Variants in PCDH15 observed in about 807,000 individuals in gnomAD.
PCDH15 encodes the protein protocadherin related 15.
In PCDH15, 129 loss-of-function variants were observed where a neutral mutation model predicts 178.5. That is an observed-to-expected ratio of 0.72 (90% CI 0.63 to 0.84). PCDH15 has a LOEUF of 0.84. Among genes scored for constraint, PCDH15 ranks in the 40% least tolerant of loss-of-function variants. PCDH15 has a pLI of 0.00. For missense variants in PCDH15, 2,230 were observed against 2,099.9 expected (o/e 1.06, Z -1.21); for synonymous variants, 800 against 732.0 (o/e 1.09, Z -1.50).
At chr10:54,903,103 T>C (rs1954664106) in intron 2 of PCDH15, among the ~76,000 whole-genome samples, 1 of 152,100 alleles carries the variant, frequency 6.6e-6, no homozygotes, top group Non-Finnish European at 1.5e-5. Flanking sequence ...TTTACTCAAA[T>C]GCAGAAAAGA....
chr10:55,234,792 A>C (rs1405478335), intron 1 of PCDH15, among the ~76,000 whole-genome samples: 2 of 152,116 alleles, frequency 1.3e-5, no homozygotes, highest in Non-Finnish European at 2.9e-5. Flanking sequence ...TGAAGTCCAC[A>C]TAATTTTACC....
chr10:54,853,322 T>C (rs1164470938), intron 3 of PCDH15, among the ~76,000 whole-genome samples: 1,104 of 108,910 alleles, frequency 0.01, 17 homozygotes, highest in African/African-American at 0.037. Flanking sequence ...TATATATACA[T>C]ACACACACAT....
chr10:53,867,741 G>A (rs948543307), intron 26 of PCDH15, among the ~76,000 whole-genome samples: 2 of 152,008 alleles, frequency 1.3e-5, no homozygotes, highest in Non-Finnish European at 2.9e-5. Context: ...AAATATAAAA[G>A]AACGTAGTAA....
chr10:54,643,094 T>G (rs1044496965), intron 2 of PCDH15, among the ~76,000 whole-genome samples: 1 of 152,106 alleles, frequency 6.6e-6, no homozygotes, highest in Admixed American at 6.6e-5. Flanking sequence ...AGCTAATTTT[T>G]TTGTACTTTT....
chr10:55,517,219 T>C (rs2132159012), intron 2 of PCDH15, among the ~76,000 whole-genome samples: 1 of 152,194 alleles, frequency 6.6e-6, no homozygotes, highest in African/African-American at 2.4e-5. Context: ...CAACTAACAG[T>C]TTACTTGTGA....
chr10:55,067,225 C>A (rs752691715), intron 2 of PCDH15, among the ~76,000 whole-genome samples: 3 of 151,924 alleles, frequency 2.0e-5, no homozygotes, highest in Non-Finnish European at 4.4e-5. Context: ...ATTAACCAAC[C>A]TCCCTTCATC....
At chr10:54,630,960 G>A (rs1375303162) in intron 2 of PCDH15, among the ~76,000 whole-genome samples, 1 of 152,122 alleles carries the variant, frequency 6.6e-6, no homozygotes, top group Non-Finnish European at 1.5e-5. Context: ...ATGAGATACT[G>A]TCTCACACCA....
intron 27 of PCDH15, among the ~76,000 whole-genome samples, chr10:53,859,466 A>G (rs2078964097): frequency 6.6e-6 from 1 of 152,138 alleles, no homozygotes; most frequent in African/African-American, 2.4e-5. Flanking sequence ...TCCTCTTCTC[A>G]CATGTCTGTC....
At chr10:53,818,677 T>C (rs1389997125) in intron 33 of PCDH15, among the ~76,000 whole-genome samples, 1 of 152,110 alleles carries the variant, frequency 6.6e-6, no homozygotes, top group Non-Finnish European at 1.5e-5. Context: ...GAGAAAAGAA[T>C]ATAGAGTTTT....
At chr10:53,854,412 G>GT (rs1320847801) in intron 28 of PCDH15, among the ~76,000 whole-genome samples, 1 of 151,968 alleles carries the variant, frequency 6.6e-6, no homozygotes, top group Non-Finnish European at 1.5e-5. Flanking sequence ...TTTATACTAT[G>GT]TTTTTTAATC....
At chr10:55,071,174 G>A (rs536220480) in intron 2 of PCDH15, among the ~76,000 whole-genome samples, 4 of 152,262 alleles carry the variant, frequency 2.6e-5, no homozygotes, top group South Asian at 2.1e-4. Flanking sequence ...TCGAGGCTAC[G>A]AAGAAACTGA....
At chr10:54,938,477 T>C (rs1837963895) in intron 2 of PCDH15, among the ~76,000 whole-genome samples, 1 of 152,164 alleles carries the variant, frequency 6.6e-6, no homozygotes, top group South Asian at 2.1e-4. Flanking sequence ...ATTCTATTTT[T>C]AAAAAATTGT....
intron 23 of PCDH15, among the ~76,000 whole-genome samples, chr10:53,959,238 TAC>T (rs1256551364): frequency 1.4e-5 from 2 of 141,018 alleles, no homozygotes; most frequent in South Asian, 2.2e-4. Context: ...TATATATAAA[TAC>T]ACACACTACA....
chr10:54,333,093 C>T (rs1301080113), intron 6 of PCDH15, among the ~76,000 whole-genome samples: 1 of 152,044 alleles, frequency 6.6e-6, no homozygotes, highest in Admixed American at 6.6e-5. Flanking sequence ...CAGGCATGTG[C>T]CACCACATCT....
chr10:54,273,615 C>T (rs1252744914), intron 8 of PCDH15, among the ~76,000 whole-genome samples: 1 of 151,966 alleles, frequency 6.6e-6, no homozygotes, highest in Admixed American at 6.6e-5. Flanking sequence ...ACAAAAACAA[C>T]TTACTAGTTT....
intron 2 of PCDH15, among the ~76,000 whole-genome samples, chr10:54,984,222 CCT>C (rs1366202189): frequency 4.6e-5 from 7 of 152,088 alleles, no homozygotes; most frequent in Non-Finnish European, 7.4e-5. Context: ...TGTCTCTACC[CCT>C]GTTTTCCTCT....
At chr10:55,426,247 G>T (rs893838666) in intron 2 of PCDH15, among the ~76,000 whole-genome samples, 3 of 152,190 alleles carry the variant, frequency 2.0e-5, no homozygotes, top group African/African-American at 7.2e-5. Context: ...TGAAGGTAGT[G>T]CCGGGTTTAC....
rs140062684 is a variant in PCDH15 at position 55,530,676 on chromosome 10, T to G, written c.-156+96949A>C. Among the ~76,000 whole-genome samples, 1,103 of 152,132 alleles carry G rather than the reference T, an allele frequency of 7.3e-3. 10 individuals are homozygous for G. The highest frequency in any genetic ancestry group is 0.048 in the Middle Eastern group (14 of 294). On this transcript the variant is annotated intron_variant, in intron 2 of 5. Coordinates refer to the PCDH15 transcript ENST00000613346. The stretch of plus-strand genomic sequence containing the variant: ...TCCCCATGATAAATATAAACATCAT[T>G]TATTTTCTTTGGTTTATTTTTGTCT...
chr10:55,122,715 G>T (rs1361161480), intron 2 of PCDH15, among the ~76,000 whole-genome samples: 1 of 152,056 alleles, frequency 6.6e-6, no homozygotes, highest in African/African-American at 2.4e-5. Flanking sequence ...CAGAAGCTTG[G>T]CCAGTGGTAA....
Sources: gnomAD v4.1 joint callset for allele counts (sites outside exome capture counted in the v4.1 genomes callset) on GRCh38, gnomAD v4.1.1 for gene constraint, MANE v1.5 for transcripts, NCBI Gene and HGNC (gene_info 2026-07-23, HGNC 2026-07-21) for gene names.